The following PRUNE2 variants were observed in gnomAD, a reference collection of about 807,000 sequenced individuals.
PRUNE2 encodes prune homolog 2 with BCH domain, also known as protein prune homolog 2.
Under a neutral mutation model 252.0 loss-of-function variants are expected in PRUNE2, and 164 were observed. The observed-to-expected ratio is 0.65, with a 90% CI of 0.57 to 0.74. The LOEUF (loss-of-function observed/expected upper bound fraction) is 0.74, where lower values mean the gene tolerates loss of function less well. Ranked by LOEUF, PRUNE2 falls within the 30% of genes least tolerant of loss-of-function variation. The pLI, the probability that PRUNE2 is intolerant of heterozygous loss-of-function variation, is 0.00. For synonymous variants in PRUNE2, 1,292 were observed against 1,350.2 expected, an observed-to-expected ratio of 0.96 and a Z score of 0.94; for missense variants, 3,495 against 3,711.0, an observed-to-expected ratio of 0.94 and a Z score of 1.51.
At chr9:76,835,250 G>A (rs1236537462) in intron 4 of PRUNE2, among the ~76,000 whole-genome samples, 2 of 151,980 alleles carry the variant, frequency 1.3e-5, no homozygotes, top group African/African-American at 4.8e-5. Flanking sequence ...CACAGTAAAG[G>A]CGTATTCTGC....
At chr9:76,765,380 C>T (rs12351780) in intron 6 of PRUNE2, among the ~76,000 whole-genome samples, 1,829 of 152,160 alleles carry the variant, frequency 0.012, 33 homozygotes, top group African/African-American at 0.041. Flanking sequence ...GTAAATAGTC[C>T]TTATATTTGA....
rs115098959 is a variant in PRUNE2 at position 76,888,865 on chromosome 9, C to T, written c.36+17063G>A. On this transcript the variant is annotated intron_variant, in intron 1 of 18. Transcript: ENST00000376718. The stretch of plus-strand genomic sequence containing the variant: ...TTTGTTGTTGTTGTTGTTTTTGAGA[C>T]GGAGTCGCGCTCTGTCACACAGGCT... Among the ~76,000 whole-genome samples the T allele has an allele frequency of 4.1e-3, 625 of 151,936 alleles. 4 individuals are homozygous for T. The highest frequency in any genetic ancestry group is 0.014 in the African/African-American group (566 of 41,454).
intron 9 of PRUNE2, among the ~76,000 whole-genome samples, chr9:76,682,977 A>G (rs1322853452): frequency 1.3e-5 from 2 of 152,188 alleles, no homozygotes; most frequent in Non-Finnish European, 2.9e-5. Context: ...TCTCCTGACC[A>G]TTAAATTTTT....
intron 2 of PRUNE2, 126 bp from the exon 3 acceptor site, chr9:76,850,791 G>T: frequency 1.5e-6 from 1 of 669,360 alleles, no homozygotes; most frequent in Non-Finnish European, 2.6e-6. Flanking sequence ...AAACCACTTG[G>T]CATTCATAAT....
At chr9:76,824,297 G>A (rs1056796415) in intron 5 of PRUNE2, among the ~76,000 whole-genome samples, 2 of 151,974 alleles carry the variant, frequency 1.3e-5, no homozygotes, top group African/African-American at 4.8e-5. Context: ...GGGTGGCGGT[G>A]GACAAATGAA....
chr9:76,784,720 G>A (rs2054789934), intron 6 of PRUNE2: 1 of 152,208 alleles, frequency 6.6e-6, no homozygotes, highest in Non-Finnish European at 1.5e-5. Context: ...TGGCCCAGGG[G>A]ATCTGTGAAC....
intron 7 of PRUNE2, among the ~76,000 whole-genome samples, chr9:76,712,138 T>C (rs1360569748): frequency 6.6e-6 from 1 of 152,234 alleles, no homozygotes; most frequent in East Asian, 1.9e-4. Context: ...TAGATACTAC[T>C]ACTACTACTA....
At chr9:76,800,560 A>C (rs946568566) in intron 6 of PRUNE2, among the ~76,000 whole-genome samples, 6 of 152,218 alleles carry the variant, frequency 3.9e-5, no homozygotes, top group South Asian at 2.1e-4. Flanking sequence ...TTTCACCTTT[A>C]ATTGTCAGCC....
intron 9 of PRUNE2, among the ~76,000 whole-genome samples, chr9:76,665,873 G>T (rs1209031320): frequency 6.6e-6 from 1 of 152,148 alleles, no homozygotes; most frequent in African/African-American, 2.4e-5. Flanking sequence ...CAAGGCAAAA[G>T]ACTGAGGGCA....
intron 4 of PRUNE2, among the ~76,000 whole-genome samples, chr9:76,840,014 T>C (rs2059293108): frequency 6.6e-6 from 1 of 152,176 alleles, no homozygotes; most frequent in Admixed American, 6.5e-5. Flanking sequence ...TGGTACTAAT[T>C]AGACAAGCAT....
chr9:76,697,173 G>T (rs2045472939), intron 9 of PRUNE2, among the ~76,000 whole-genome samples: 1 of 152,076 alleles, frequency 6.6e-6, no homozygotes, highest in South Asian at 2.1e-4. Context: ...TAGTTGTGAT[G>T]TTTCAAGTTT....
rs1463463156 is a variant in PRUNE2 at position 76,619,404 on chromosome 9, A to T, written c.9189-17T>A. ...CAGCTAGTTCTGAGTGCAAGGAAAA[A>T]ATAGGAAGCAGTCAACATTTCCCCA... On this transcript the variant is annotated splice_polypyrimidine_tract_variant and intron_variant, in intron 17 of 18. Coordinates refer to ENST00000376718, the MANE Select transcript of PRUNE2 (RefSeq NM_015225.3). The T allele has an allele frequency of 1.9e-6, 3 of 1,588,956 alleles. No individual in the cohort carries two copies. The Admixed American group carries it at 5.1e-5, about 27-fold the overall frequency.
chr9:76,684,982 C>T (rs1255449955), intron 9 of PRUNE2, among the ~76,000 whole-genome samples: 1 of 152,140 alleles, frequency 6.6e-6, no homozygotes, highest in Non-Finnish European at 1.5e-5. Flanking sequence ...GAACTCCTGA[C>T]CTCAAGTGAT....
intron 14 of PRUNE2, 121 bp from the exon 15 acceptor site, chr9:76,636,678 C>T: frequency 1.6e-6 from 1 of 622,200 alleles, no homozygotes; most frequent in Non-Finnish European, 2.8e-6. Context: ...TAGCTCATGC[C>T]TATAATCCCA....
At chr9:76,838,626 C>T (rs1411610876) in intron 4 of PRUNE2, among the ~76,000 whole-genome samples, 2 of 107,034 alleles carry the variant, frequency 1.9e-5, no homozygotes, top group Non-Finnish European at 3.6e-5. Flanking sequence ...GCCTGGGCAA[C>T]AAGAGCGAAA....
intron 1 of PRUNE2, among the ~76,000 whole-genome samples, chr9:76,880,478 T>C (rs925952682): frequency 2.0e-5 from 3 of 152,248 alleles, no homozygotes; most frequent in Non-Finnish European, 4.4e-5. Flanking sequence ...TGAGTAAAAC[T>C]GCCAGAGCCT....
At chr9:76,764,085 T>C (rs904668909) in intron 6 of PRUNE2, among the ~76,000 whole-genome samples, 4 of 152,158 alleles carry the variant, frequency 2.6e-5, no homozygotes, top group Non-Finnish European at 5.9e-5. Flanking sequence ...AATGCATTCA[T>C]TGATTCGTTG....
chr9:76,643,944 ACT>A (rs1239080190), intron 12 of PRUNE2, among the ~76,000 whole-genome samples: 2 of 151,952 alleles, frequency 1.3e-5, no homozygotes, highest in African/African-American at 4.8e-5. Context: ...GTCAGCTCAC[ACT>A]CTTTCTGAAC....
At chr9:76,658,390 T>C (rs951002373) in intron 9 of PRUNE2, among the ~76,000 whole-genome samples, 5 of 152,144 alleles carry the variant, frequency 3.3e-5, no homozygotes, top group African/African-American at 9.7e-5. Context: ...TATAGGGACA[T>C]GTTAGAAAAC....
Sources: gnomAD v4.1 joint callset for allele counts (sites outside exome capture counted in the v4.1 genomes callset) on GRCh38, gnomAD v4.1.1 for gene constraint, MANE v1.5 for transcripts, NCBI Gene and HGNC (gene_info 2026-07-23, HGNC 2026-07-21) for gene names.